Variants in KLRG2 observed in about 807,000 individuals in gnomAD.
KLRG2 encodes the protein killer cell lectin like receptor G2, also known as killer cell lectin-like receptor subfamily G member 2.
In KLRG2, 39 loss-of-function variants were observed where a neutral mutation model predicts 35.4. The ratio of observed to expected loss-of-function variants is 1.10; its 90% confidence interval spans 0.85 to 1.44. The LOEUF (loss-of-function observed/expected upper bound fraction) is 1.44, where lower values mean the gene tolerates loss of function less well. KLRG2 is among the 40% of genes most tolerant of loss of function. The pLI is 0.00. For synonymous variants in KLRG2, 283 were observed against 265.8 expected (o/e 1.06, Z -0.63); for missense variants, 632 against 570.9 (o/e 1.11, Z -1.09).
intron 3 of KLRG2, among the ~76,000 whole-genome samples, chr7:139,457,113 A>G (rs1247646376): frequency 6.6e-6 from 1 of 152,178 alleles, no homozygotes; most frequent in African/African-American, 2.4e-5. Context: ...CTTGAATCCT[A>G]AAGACCAGAG....
chr7:139,445,779 ATG>A, the KLRG2 span, among the ~76,000 whole-genome samples: 16 of 120,236 alleles, frequency 1.3e-4, no homozygotes, highest in African/African-American at 4.9e-4. Context: ...ATATATATAT[ATG>A]TATATATATA....
At chr7:139,471,655 G>A (rs1341376509) in intron 3 of KLRG2, among the ~76,000 whole-genome samples, 2 of 151,654 alleles carry the variant, frequency 1.3e-5, no homozygotes, top group East Asian at 1.9e-4. Flanking sequence ...AGCGAGACTC[G>A]GTCTCAAAAA....
chr7:139,444,779 C>T, the KLRG2 span, among the ~76,000 whole-genome samples: 8 of 152,246 alleles, frequency 5.3e-5, no homozygotes, highest in East Asian at 5.8e-4. Context: ...ACTATTACGA[C>T]GACACAAAAC....
intron 3 of KLRG2, among the ~76,000 whole-genome samples, chr7:139,469,682 G>A (rs1270421910): frequency 6.6e-6 from 1 of 152,134 alleles, no homozygotes; most frequent in African/African-American, 2.4e-5. Context: ...GACTTCAGAT[G>A]ATCCACCCAC....
the KLRG2 span, among the ~76,000 whole-genome samples, chr7:139,443,672 C>G: frequency 6.6e-6 from 1 of 152,142 alleles, no homozygotes; most frequent in Non-Finnish European, 1.5e-5. Context: ...AACGATTCTC[C>G]TGCCTCAGCC....
the KLRG2 span, among the ~76,000 whole-genome samples, chr7:139,444,723 A>C: frequency 6.6e-6 from 1 of 152,200 alleles, no homozygotes; most frequent in Non-Finnish European, 1.5e-5. Context: ...AGTCTATGGT[A>C]CATTGTTATG....
chr7:139,457,721 C>T (rs1006308704), intron 3 of KLRG2, among the ~76,000 whole-genome samples: 23 of 152,258 alleles, frequency 1.5e-4, no homozygotes, highest in Admixed American at 5.2e-4. Context: ...CTCCTGGTGA[C>T]GGGAGCTGAA....
the KLRG2 span, among the ~76,000 whole-genome samples, chr7:139,429,785 C>T: frequency 2.2e-4 from 33 of 152,350 alleles, no homozygotes; most frequent in East Asian, 3.5e-3. Context: ...TACACAGACA[C>T]GGCAACCATT....
At chr7:139,449,693 C>CTTTTT (rs547906496), downstream of KLRG2, among the ~76,000 whole-genome samples, 373 of 101,574 alleles carry the variant, frequency 3.7e-3, no homozygotes, top group Middle Eastern at 9.6e-3. Context: ...TATCCTTATT[C>CTTTTT]TTTTTTTTTT....
chr7:139,477,756 T>C (rs1353659026), intron 3 of KLRG2, among the ~76,000 whole-genome samples: 1 of 141,052 alleles, frequency 7.1e-6, no homozygotes, highest in Non-Finnish European at 1.5e-5. Context: ...ATGTGTATTT[T>C]AACACAATTT....
At chr7:139,435,560 G>A in the KLRG2 span, among the ~76,000 whole-genome samples, 12 of 152,254 alleles carry the variant, frequency 7.9e-5, no homozygotes, top group African/African-American at 2.6e-4. Context: ...TCATGATATA[G>A]AATAGTTCCA....
Position 139,483,563 on chromosome 7 carries a change from G to T in KLRG2, c.80C>A (p.Pro27His). The T allele has an allele frequency of 6.3e-7, 1 of 1,598,388 alleles. No individual in the cohort carries two copies. The highest frequency in any genetic ancestry group is 1.3e-5 in the African/African-American group (1 of 74,602). Residue 27 changes from proline (P) to histidine (H), a missense_variant, in exon 1 of 5, where the codon CCC (proline) becomes CAC (histidine). Pro to His is a moderately conservative substitution (Grantham distance 77). Transcript: ENST00000340940. The part of the protein sequence containing the change: ...LPMEPVGSLV[P>H]TLEQPQVPAK... Reference sequence around the variant, plus strand: ...GGGCACCTGCGGCTGCTCCAGCGTGGGGACCAGGCTTCCCACGGGCTCCAT... The same window carrying T: ...GGGCACCTGCGGCTGCTCCAGCGTGTGGACCAGGCTTCCCACGGGCTCCAT...
chr7:139,458,313 G>A (rs553924232), intron 3 of KLRG2, among the ~76,000 whole-genome samples: 1 of 152,180 alleles, frequency 6.6e-6, no homozygotes, highest in South Asian at 2.1e-4. Flanking sequence ...GGGAGGTCGA[G>A]GCTGCACTGA....
At chr7:139,454,689 G>A (rs926987373) in intron 3 of KLRG2, among the ~76,000 whole-genome samples, 1 of 151,692 alleles carries the variant, frequency 6.6e-6, no homozygotes. Flanking sequence ...GGTGGCGGGC[G>A]CCTGTAATCC....
At chr7:139,438,677 A>ATTT in the KLRG2 span, among the ~76,000 whole-genome samples, 11 of 142,824 alleles carry the variant, frequency 7.7e-5, no homozygotes, top group African/African-American at 1.6e-4. Context: ...CATTTTGGCA[A>ATTT]TTTTTTTTTT....
At chr7:139,482,722 T>C (rs1460742120) in intron 1 of KLRG2, among the ~76,000 whole-genome samples, 164 bp downstream of exon 1, 2 of 152,182 alleles carry the variant, frequency 1.3e-5, no homozygotes, top group African/African-American at 4.8e-5. Context: ...AGGAATGTTA[T>C]TGATTGTAAG....
chr7:139,476,505 G>T (rs544165901), intron 3 of KLRG2, among the ~76,000 whole-genome samples: 1 of 151,680 alleles, frequency 6.6e-6, no homozygotes, highest in African/African-American at 2.4e-5. Flanking sequence ...GCAGTGGCGC[G>T]ATCTTGGCTC....
chr7:139,479,818 A>T, intron 2 of KLRG2, 46 bp from the exon 3 acceptor site: 1 of 1,584,584 alleles, frequency 6.3e-7, no homozygotes, highest in Non-Finnish European at 8.6e-7. Context: ...AAGCTGCATT[A>T]AATAAACAAA....
At chr7:139,433,670 A>C in the KLRG2 span, among the ~76,000 whole-genome samples, 29 of 124,986 alleles carry the variant, frequency 2.3e-4, no homozygotes, top group Admixed American at 3.9e-4. Flanking sequence ...TCTGTCACCC[A>C]GGCTGGAGTG....
Sources: allele counts gnomAD v4.1 joint callset (sites outside exome capture counted in the v4.1 genomes callset), GRCh38; gene constraint gnomAD v4.1.1; transcripts MANE v1.5; gene names NCBI Gene and HGNC (gene_info 2026-07-23, HGNC 2026-07-21).